The following GRID2 variants were observed in gnomAD, a reference collection of about 807,000 sequenced individuals.
GRID2 encodes glutamate receptor ionotropic, delta-2.
GRID2 carries 33 observed loss-of-function variants against 114.8 expected under a neutral mutation model. That is an observed-to-expected ratio of 0.29 (90% CI 0.22 to 0.38). The LOEUF (loss-of-function observed/expected upper bound fraction) is 0.38. GRID2 is among the 10% of genes least tolerant of loss of function. GRID2 has a pLI of 1.00. For synonymous variants in GRID2, 505 were observed against 449.9 expected, an observed-to-expected ratio of 1.12 and a Z score of -1.55; for missense variants, 1,184 against 1,257.7, an observed-to-expected ratio of 0.94 and a Z score of 0.89.
At chr4:92,538,529 A>G (rs576036946) in intron 1 of GRID2, among the ~76,000 whole-genome samples, 1 of 152,284 alleles carries the variant, frequency 6.6e-6, no homozygotes, top group African/African-American at 2.4e-5. Flanking sequence ...TCCACAAAGC[A>G]ATTACAAAAG....
chr4:93,251,815 A>G (rs1210753877), intron 8 of GRID2, among the ~76,000 whole-genome samples: 12 of 152,186 alleles, frequency 7.9e-5, no homozygotes, highest in African/African-American at 2.2e-4. Context: ...GCCTCCTTCC[A>G]TGTCCCTGGA....
At chr4:93,596,754 T>C (rs999062860) in intron 13 of GRID2, among the ~76,000 whole-genome samples, 2 of 152,210 alleles carry the variant, frequency 1.3e-5, no homozygotes, top group Non-Finnish European at 2.9e-5. Context: ...CAGTTGGATA[T>C]TACTTGTGAA....
chr4:93,486,745 T>C (rs1726447485), intron 11 of GRID2, among the ~76,000 whole-genome samples: 1 of 151,756 alleles, frequency 6.6e-6, no homozygotes, highest in African/African-American at 2.4e-5. Context: ...GCTAATTTAT[T>C]TACCTTTTGA....
intron 2 of GRID2, among the ~76,000 whole-genome samples, chr4:92,912,539 A>G (rs1228613916): frequency 6.6e-6 from 1 of 151,904 alleles, no homozygotes; most frequent in African/African-American, 2.4e-5. Context: ...CATAATATAT[A>G]TAAAGAAAGT....
chr4:93,403,529 T>C (rs1766112391), intron 9 of GRID2, among the ~76,000 whole-genome samples: 1 of 151,836 alleles, frequency 6.6e-6, no homozygotes, highest in Non-Finnish European at 1.5e-5. Flanking sequence ...TATGAAGAAA[T>C]ATAAACAAAA....
intron 8 of GRID2, among the ~76,000 whole-genome samples, chr4:93,381,402 C>T (rs1156954162): frequency 6.6e-6 from 1 of 152,062 alleles, no homozygotes; most frequent in East Asian, 1.9e-4. Flanking sequence ...GTATTTCTAT[C>T]CTTTGTAAGG....
chr4:92,404,943 G>T (rs1560610003), intron 1 of GRID2, among the ~76,000 whole-genome samples: 1 of 152,192 alleles, frequency 6.6e-6, no homozygotes, highest in East Asian at 1.9e-4. Context: ...ATATCTAGGT[G>T]ATGGGTTGAT....
intron 8 of GRID2, among the ~76,000 whole-genome samples, chr4:93,293,398 A>G (rs1177483354): frequency 2.0e-5 from 3 of 152,202 alleles, no homozygotes; most frequent in Non-Finnish European, 4.4e-5. Context: ...AACGAAGTTA[A>G]TTATAAAAAT....
chr4:93,090,909 A>T (rs887669494), intron 3 of GRID2, among the ~76,000 whole-genome samples: 1 of 152,126 alleles, frequency 6.6e-6, no homozygotes, highest in Non-Finnish European at 1.5e-5. Flanking sequence ...GTTCTCAATT[A>T]CTAGAATAAT....
intron 2 of GRID2, among the ~76,000 whole-genome samples, chr4:92,874,628 G>A (rs921678337): frequency 2.0e-5 from 3 of 152,138 alleles, no homozygotes; most frequent in African/African-American, 7.2e-5. Context: ...ACATTTGTAT[G>A]TATGAGTAAA....
At chr4:92,315,993 C>G (rs972952923) in intron 1 of GRID2, among the ~76,000 whole-genome samples, 1 of 61,916 alleles carries the variant, frequency 1.6e-5, no homozygotes, top group Non-Finnish European at 3.1e-5. Flanking sequence ...AAACAAAAAG[C>G]AAAAAAAAAA....
At chr4:93,274,435 AACTTCTC>A (rs1281859115) in intron 8 of GRID2, among the ~76,000 whole-genome samples, 1 of 152,158 alleles carries the variant, frequency 6.6e-6, no homozygotes, top group Admixed American at 6.6e-5. Context: ...ATTTTACTGT[AACTTCTC>A]AGAAGAATTA....
intron 2 of GRID2, among the ~76,000 whole-genome samples, chr4:92,775,149 C>T (rs1390886499): frequency 6.6e-6 from 1 of 152,046 alleles, no homozygotes. Flanking sequence ...TTAGTGTTAC[C>T]TTCATTTTCT....
At chr4:93,668,750 A>G (rs1001333853) in intron 14 of GRID2, among the ~76,000 whole-genome samples, 4 of 152,098 alleles carry the variant, frequency 2.6e-5, no homozygotes, top group African/African-American at 7.2e-5. Context: ...ATCAATGGAT[A>G]ATGGAAGAAT....
At chr4:92,556,943 G>GT (rs1726879483) in intron 1 of GRID2, among the ~76,000 whole-genome samples, 1 of 152,084 alleles carries the variant, frequency 6.6e-6, no homozygotes, top group South Asian at 2.1e-4. Context: ...TACCACTCAC[G>GT]TAATATCCTA....
At position 92,340,108 on chromosome 4, in the gene GRID2, G is replaced by T. The variant is rs139149659; in HGVS notation, c.88+35364G>T. 3.3e-3 allele frequency among the ~76,000 whole-genome samples: 507 copies of T among 152,188 alleles called. 4 individuals are homozygous for T. The highest frequency in any genetic ancestry group is 0.011 in the African/African-American group (466 of 41,506). On this transcript the variant is annotated intron_variant, in intron 1 of 15. Transcript: ENST00000282020. ...CAATAAAAAATAATGTATTATTTAA[G>T]ATAATTATAAAATAAAGCTATTACT...
intron 4 of GRID2, among the ~76,000 whole-genome samples, chr4:93,198,931 T>C (rs561061770): frequency 6.6e-6 from 1 of 152,262 alleles, no homozygotes; most frequent in African/African-American, 2.4e-5. Flanking sequence ...TAAGCGTTGA[T>C]CAAAATCCAA....
chr4:93,769,237 C>T lies in GRID2; in HGVS notation c.2388C>T (p.Asp796=), dbSNP rs1414706792. 5 of 1,613,724 alleles carry T rather than the reference C, an allele frequency of 3.1e-6. No homozygotes were observed. The highest frequency in any genetic ancestry group is 1.7e-5 in the Admixed American group (1 of 60,024). Residue 796 remains aspartate (D), a synonymous_variant, in exon 15 of 16, where the codon GAC becomes GAT. Transcript: ENST00000282020. ...QRILELQQNG[D]MDILKHKWWP... is the part of the protein sequence containing the mutation. The stretch of plus-strand genomic sequence containing the variant: ...TCCTGGAGCTTCAGCAGAATGGTGA[C>T]ATGGACATCCTGAAGCACAAATGGT...
Position 93,110,792 on chromosome 4 carries a change from G to A in GRID2, c.574G>A (p.Gly192Arg). 1.2e-6 allele frequency: 2 copies of A among 1,613,002 alleles called. No individual in the cohort carries two copies. Among genetic ancestry groups the A allele is most frequent in the South Asian group, 1.1e-5 (1 of 91,058 alleles). Residue 192 changes from glycine to arginine, a missense_variant, in exon 4 of 16, where the codon GGA (glycine) becomes AGA (arginine). Physicochemically the swap from Gly to Arg is moderately radical, Grantham distance 125. Around this residue, in one of 3 missense-constraint regions of GRID2, gnomAD observed 455 missense variants for 429.5 expected, o/e 1.06. Coordinates refer to ENST00000282020, the MANE Select transcript of GRID2 (RefSeq NM_001510.4). ...GTTCTTGGACAAAGTCTCTCAGCAG[G>A]GAATGGATGTTGCACTTCAGAAGGT... Reference protein sequence around the residue: ...QEFLDKVSQQGMDVALQKVEN... With the variant: ...QEFLDKVSQQRMDVALQKVEN...
Sources: allele counts gnomAD v4.1 joint callset (sites outside exome capture counted in the v4.1 genomes callset), GRCh38; gene constraint gnomAD v4.1.1; regional missense constraint gnomAD v4.1.1; transcripts MANE v1.5; gene names NCBI Gene and HGNC (gene_info 2026-07-23, HGNC 2026-07-21).